The following USP20 variants were observed in gnomAD, a reference collection of about 807,000 sequenced individuals.
The protein encoded by USP20 is ubiquitin carboxyl-terminal hydrolase 20.
Under a neutral mutation model 124.2 loss-of-function variants are expected in USP20, and 80 were observed. The observed-to-expected ratio is 0.64, with a 90% confidence interval of 0.54 to 0.78. The LOEUF is 0.78. Ranked by LOEUF, USP20 falls within the 30% of genes least tolerant of loss-of-function variation. The pLI is 0.00. For synonymous variants in USP20, 481 were observed against 512.3 expected (o/e 0.94, Z 0.83); for missense variants, 1,043 against 1,244.4 (o/e 0.84, Z 2.44).
chr9:129,878,021 G>A (rs906937107), intron 22 of USP20, among the ~76,000 whole-genome samples: 3 of 151,574 alleles, frequency 2.0e-5, no homozygotes, highest in Non-Finnish European at 4.4e-5. Context: ...GCAGTAAGCC[G>A]AGATCGCGCC....
At position 129,863,197 on chromosome 9, in the gene USP20, C is replaced by G. The variant is rs372075702; in HGVS notation, c.509C>G (p.Thr170Ser). ...TCCCCTGCACCCAGCCCGCCGCTGA[C>G]TCAGTTCTTCTTGGAGTGTGGCGGC... Reference protein sequence around the residue: ...LQALSNCPPLTQFFLECGGLV... With the variant: ...LQALSNCPPLSQFFLECGGLV... Residue 170 changes from threonine to serine, a missense_variant, in exon 9 of 26, where the codon ACT (threonine) becomes AGT (serine). Physicochemically the swap from Thr to Ser is moderately conservative, Grantham distance 58. Coordinates refer to ENST00000372429, the MANE Select transcript of USP20 (RefSeq NM_001110303.4). 43 of 1,537,724 alleles carry G rather than the reference C, an allele frequency of 2.8e-5. No individual in the cohort carries two copies. The highest frequency in any genetic ancestry group is 3.6e-5 in the Non-Finnish European group (41 of 1,136,162).
intron 1 of USP20, among the ~76,000 whole-genome samples, chr9:129,842,614 G>A (rs2032285618): frequency 7.2e-6 from 1 of 138,960 alleles, no homozygotes; most frequent in Non-Finnish European, 1.5e-5. Context: ...TTTTTTTTTA[G>A]ACGGAGTCTT....
At chr9:129,869,933 A>C (rs2034034431) in intron 14 of USP20, 89 bp downstream of exon 14, 4 of 1,511,716 alleles carry the variant, frequency 2.6e-6, no homozygotes, top group Non-Finnish European at 3.6e-6. Context: ...AAGTCCATGC[A>C]TTTGGGGAAC....
intron 6 of USP20, among the ~76,000 whole-genome samples, chr9:129,859,090 C>T (rs2033374138): frequency 6.6e-6 from 1 of 151,466 alleles, no homozygotes; most frequent in Non-Finnish European, 1.5e-5. Flanking sequence ...CTTTGATCAA[C>T]AGTGTGCTGT....
At position 129,861,024 on chromosome 9, in the gene USP20, A is replaced by C; in HGVS notation, c.418A>C (p.Lys140Gln). ...GESESEDDDL[K>Q]PRGLTGMKNL... ...GTCTGAGTCAGAGGACGATGACCTG[A>C]AACCTCGAGGTAATGGCCCCCACAG... Residue 140 changes from lysine (K) to glutamine (Q), a missense_variant, in exon 7 of 26, where the codon AAA becomes CAA. Transcript: ENST00000372429. The C allele has an allele frequency of 6.2e-7, 1 of 1,613,964 alleles. No individual in the cohort carries two copies. The highest frequency in any genetic ancestry group is 1.1e-5 in the South Asian group (1 of 91,082).
intron 10 of USP20, among the ~76,000 whole-genome samples, chr9:129,867,785 A>G (rs2033891729): frequency 6.6e-6 from 1 of 152,166 alleles, no homozygotes; most frequent in Admixed American, 6.5e-5. Flanking sequence ...GTGTCCTGGT[A>G]GGTGTCCTTT....
chr9:129,852,148 G>A (rs558059879), intron 2 of USP20, among the ~76,000 whole-genome samples: 4 of 152,286 alleles, frequency 2.6e-5, no homozygotes, highest in African/African-American at 9.6e-5. Flanking sequence ...TCCTTGGACG[G>A]ACATGGATTT....
intron 19 of USP20, 73 bp from the exon 20 acceptor site, chr9:129,875,237 G>A (rs1277925137): frequency 6.8e-7 from 1 of 1,468,752 alleles, no homozygotes; most frequent in Non-Finnish European, 9.1e-7. Flanking sequence ...AGGTGCACTG[G>A]GATGGGGGCT....
chr9:129,871,704 G>A (rs944679845), intron 15 of USP20, among the ~76,000 whole-genome samples: 2 of 151,820 alleles, frequency 1.3e-5, no homozygotes, highest in Admixed American at 6.6e-5. Context: ...CTCATTGTGC[G>A]TTTTTTTTGT....
At chr9:129,875,089 AGCCCTCTG>A in intron 19 of USP20, 134 bp downstream of exon 19, 1 of 1,420,240 alleles carries the variant, frequency 7.0e-7, no homozygotes, top group South Asian at 1.5e-5. Context: ...GTTAAGAAAC[AGCCCTCTG>A]GCTGCTGTGG....
Position 129,880,141 on chromosome 9 carries a change from G to T in USP20, c.2613G>T (p.Glu871Asp). 1 of 1,613,906 alleles carries T rather than the reference G, an allele frequency of 6.2e-7. No homozygotes were observed. The highest frequency in any genetic ancestry group is 8.5e-7 in the Non-Finnish European group (1 of 1,180,028). The part of the protein sequence containing the change: ...QGADYGQISE[E>D]TWTYLNSLYG... ...CTGACTACGGGCAGATTTCGGAGGA[G>T]ACCTGGACCTACCTGAACAGCCTGT... The change falls in exon 25 of 26, where the codon GAG becomes GAT. Residue 871 changes from glutamate (E) to aspartate (D), a missense_variant. By Grantham distance (45) the Glu-to-Asp change is conservative (BLOSUM62 2). Coordinates refer to ENST00000372429, the MANE Select transcript of USP20 (RefSeq NM_001110303.4).
Position 129,879,493 on chromosome 9 carries a change from C to T in USP20, c.2513-80C>T. ...CGCTGACCCCCAGGCCTGGGGCGGC[C>T]CCACTTGGGATGGCTCTGCTGCTGT... On this transcript the variant is annotated intron_variant, in intron 23 of 25. Transcript: ENST00000372429. The surrounding 1 kb of genome is among the most constrained non-coding windows in gnomAD (Gnocchi z 4.2). 3 of 1,503,822 alleles carry T rather than the reference C, an allele frequency of 2.0e-6. No individual in the cohort carries two copies. Among genetic ancestry groups the T allele is most frequent in the South Asian group, 1.1e-5 (1 of 87,746 alleles). 93.2% of individuals were successfully genotyped at this position (1,503,822 alleles called of 1,614,324 possible). A position where few individuals can be genotyped will look rare whatever the true frequency, so the allele number is the denominator to read the frequency against.
chr9:129,867,690 T>G (rs913324), intron 10 of USP20, among the ~76,000 whole-genome samples: 148,288 of 152,266 alleles, frequency 0.97, 72,320 homozygotes, highest in East Asian at 1. Flanking sequence ...GTGCTGAGCT[T>G]GCAGCAGAGG....
chr9:129,852,502 G>T (rs1020021403), intron 2 of USP20, 38 bp from the exon 3 acceptor site: 25 of 1,545,124 alleles, frequency 1.6e-5, no homozygotes, highest in Non-Finnish European at 2.2e-5. Flanking sequence ...GCCAACACTG[G>T]CTGCCATTAA....
chr9:129,879,074 T>C lies in USP20; in HGVS notation c.2513-499T>C, dbSNP rs1449481294. 6.6e-6 allele frequency among the ~76,000 whole-genome samples: 1 copy of C among 151,348 alleles called. No individual in the cohort carries two copies. Among genetic ancestry groups the C allele is most frequent in the South Asian group, 2.1e-4 (1 of 4,832 alleles). On this transcript the variant is annotated intron_variant, in intron 23 of 25. Coordinates refer to ENST00000372429, the MANE Select transcript of USP20 (RefSeq NM_001110303.4). The surrounding 1 kb of genome is among the most constrained non-coding windows in gnomAD (Gnocchi z 4.2). The stretch of plus-strand genomic sequence containing the variant: ...GTCGGGGAAGGTGCCAGGGCCACCG[T>C]GAGGCCTCTCTGGTGGTGGCTGAGG...
chr9:129,840,417 G>A (rs1289715553), intron 1 of USP20, among the ~76,000 whole-genome samples: 1 of 152,162 alleles, frequency 6.6e-6, no homozygotes, highest in African/African-American at 2.4e-5. Flanking sequence ...GGCTCAGTGG[G>A]TGCTGGGTCC....
rs970331403 is a variant in USP20 at position 129,879,218 on chromosome 9, T to C, written c.2513-355T>C. Among the ~76,000 whole-genome samples, 1 of 152,182 alleles carries C rather than the reference T, an allele frequency of 6.6e-6. No homozygotes were observed. Among genetic ancestry groups the C allele is most frequent in the Non-Finnish European group, 1.5e-5 (1 of 68,028 alleles). ...TTACTTCACCTTCCCAGGCCTCGGC[T>C]CTGTCTCTGTAAACCTCTGTCTTGT... On this transcript the variant is annotated intron_variant, in intron 23 of 25. Coordinates refer to ENST00000372429, the MANE Select transcript of USP20 (RefSeq NM_001110303.4). This position sits in a 1 kb window ranked among gnomAD's most constrained non-coding sequence, Gnocchi z 4.2.
At chr9:129,875,529 C>T (rs1265677627) in intron 20 of USP20, 31 bp from the exon 21 acceptor site, 2 of 1,613,630 alleles carry the variant, frequency 1.2e-6, no homozygotes, top group East Asian at 2.2e-5. Context: ...TGGGCCGAGC[C>T]ACAGCTTCGC....
Position 129,862,916 on chromosome 9 carries a change from TAATAATAATAAA to T in USP20, c.498-267_498-256del, listed in dbSNP as rs2033622248. ...GGGAGACTCTGTTTCAAAATAATAA[TAATAATAATAAA>T]AAAATAAGGTAAGATAGATAAGATG... On this transcript the variant is annotated intron_variant, in intron 8 of 25. Transcript: ENST00000372429. Among the ~76,000 whole-genome samples the T allele has an allele frequency of 3.1e-5, 4 of 129,674 alleles. No homozygotes were observed. In the South Asian group the frequency reaches 1.0e-3, roughly 34 times the overall value. 85.1% of individuals were successfully genotyped at this position (129,674 alleles called of 152,430 possible). A position where few individuals can be genotyped will look rare whatever the true frequency, so the allele number is the denominator to read the frequency against.
Sources: gnomAD v4.1 joint callset for allele counts (sites outside exome capture counted in the v4.1 genomes callset) on GRCh38, gnomAD v4.1.1 for gene constraint, Gnocchi (gnomAD v3.1) non-coding constraint, MANE v1.5 for transcripts, NCBI Gene and HGNC (gene_info 2026-07-23, HGNC 2026-07-21) for gene names.